DOCK4: variants seen among roughly 807,000 people sequenced by gnomAD.
DOCK4 encodes the protein dedicator of cytokinesis protein 4.
Under a neutral mutation model 268.1 loss-of-function variants are expected in DOCK4, and 97 were observed. That is an observed-to-expected ratio of 0.36 (90% CI 0.31 to 0.43). The LOEUF is 0.43. Ranked by LOEUF, DOCK4 falls within the 20% of genes least tolerant of loss-of-function variation. The pLI, the probability that DOCK4 is intolerant of heterozygous loss-of-function variation, is 1.00. For missense variants in DOCK4, 2,145 were observed against 2,455.7 expected (o/e 0.87, Z 2.67); for synonymous variants, 954 against 887.2 (o/e 1.08, Z -1.34).
chr7:111,823,853 G>A (rs1427827274), intron 26 of DOCK4, among the ~76,000 whole-genome samples: 2 of 152,208 alleles, frequency 1.3e-5, no homozygotes, highest in African/African-American at 2.4e-5. Flanking sequence ...CTGCTTGAAT[G>A]TAAGATTATG....
At chr7:112,144,822 G>A (rs1815293079) in intron 1 of DOCK4, among the ~76,000 whole-genome samples, 3 of 152,018 alleles carry the variant, frequency 2.0e-5, no homozygotes, top group Admixed American at 2.0e-4. Flanking sequence ...ACTCTCCTTG[G>A]GATGCTTGGG....
At chr7:111,864,103 A>G (rs1304651182) in intron 22 of DOCK4, among the ~76,000 whole-genome samples, 1 of 152,182 alleles carries the variant, frequency 6.6e-6, no homozygotes, top group African/African-American at 2.4e-5. Flanking sequence ...AAGTTATTTG[A>G]GCACCCTTTA....
chr7:111,807,381 A>G (rs1299116069), intron 30 of DOCK4: 2 of 152,168 alleles, frequency 1.3e-5, no homozygotes, highest in South Asian at 2.1e-4. Context: ...GTCTCCAAAT[A>G]AGAAAACTAT....
intron 35 of DOCK4, among the ~76,000 whole-genome samples, chr7:111,780,930 A>C (rs143232443): frequency 6.6e-6 from 1 of 152,070 alleles, no homozygotes; most frequent in Non-Finnish European, 1.5e-5. Flanking sequence ...TAGAAGGACT[A>C]TTCTTGGTCA....
chr7:111,984,126 T>C (rs1304921920), intron 7 of DOCK4, among the ~76,000 whole-genome samples, 180 bp downstream of exon 7: 1 of 152,178 alleles, frequency 6.6e-6, no homozygotes, highest in Non-Finnish European at 1.5e-5. Flanking sequence ...ATGTTATTCT[T>C]AGACAGGTAG....
chr7:111,915,113 A>G (rs1041683495), intron 13 of DOCK4, among the ~76,000 whole-genome samples: 15 of 152,158 alleles, frequency 9.9e-5, no homozygotes, highest in African/African-American at 3.6e-4. Flanking sequence ...ATAAGCACAT[A>G]AAGGGGTGTG....
At chr7:111,976,140 CA>C (rs1166982968) in intron 8 of DOCK4, among the ~76,000 whole-genome samples, 1,382 of 28,754 alleles carry the variant, frequency 0.048, 52 homozygotes, top group Non-Finnish European at 0.055. Context: ...GACTCCATCT[CA>C]AAAAAAAAAA....
intron 16 of DOCK4, among the ~76,000 whole-genome samples, chr7:111,883,719 G>C (rs1198268925): frequency 6.6e-6 from 1 of 152,104 alleles, no homozygotes; most frequent in Non-Finnish European, 1.5e-5. Context: ...GCCAGGAAAA[G>C]GTGATGTGGT....
rs191422559 is a variant in DOCK4 at position 112,177,367 on chromosome 7, G to A, written c.37+28735C>T. Among the ~76,000 whole-genome samples the A allele has an allele frequency of 1.7e-3, 260 of 152,342 alleles. 1 individual carries two copies. The highest frequency in any genetic ancestry group is 6.0e-3 in the African/African-American group (250 of 41,582). On this transcript the variant is annotated intron_variant, in intron 1 of 52. Transcript: ENST00000428084. ...CAAGGCTTTTGTGATGAGTGAAGAAGCTAATAATGCATTTAAAAGCACTTA... is the reference window on the plus strand; with the variant it reads ...CAAGGCTTTTGTGATGAGTGAAGAAACTAATAATGCATTTAAAAGCACTTA...
intron 8 of DOCK4, among the ~76,000 whole-genome samples, chr7:111,954,955 A>T (rs1323503723): frequency 6.6e-6 from 1 of 152,170 alleles, no homozygotes; most frequent in African/African-American, 2.4e-5. Flanking sequence ...GTCAGGATGG[A>T]CCTAAAAGCT....
At chr7:111,772,486 T>C (rs1233833276) in intron 36 of DOCK4, among the ~76,000 whole-genome samples, 2 of 152,154 alleles carry the variant, frequency 1.3e-5, no homozygotes, top group Non-Finnish European at 2.9e-5. Flanking sequence ...GTAAATTTTA[T>C]GTTATGCACA....
intron 4 of DOCK4, 127 bp downstream of exon 4, chr7:111,998,321 A>C: frequency 1.4e-6 from 1 of 740,538 alleles, no homozygotes; most frequent in South Asian, 2.5e-5. Context: ...ATCTTTAACA[A>C]AGAACACAGA....
chr7:111,818,965 T>C (rs957801145), intron 27 of DOCK4, among the ~76,000 whole-genome samples: 1 of 152,236 alleles, frequency 6.6e-6, no homozygotes, highest in African/African-American at 2.4e-5. Context: ...TTTGTCTTTA[T>C]AGTACTTATT....
chr7:112,104,394 TC>T (rs1810955843), intron 1 of DOCK4, among the ~76,000 whole-genome samples: 2 of 152,242 alleles, frequency 1.3e-5, no homozygotes, highest in African/African-American at 4.8e-5. Flanking sequence ...AGCAAACTAA[TC>T]ATTAGAGTGC....
chr7:112,186,028 T>C (rs1435503826), intron 1 of DOCK4, among the ~76,000 whole-genome samples: 5 of 152,210 alleles, frequency 3.3e-5, no homozygotes, highest in African/African-American at 1.2e-4. Flanking sequence ...TCTGATGAGT[T>C]CTGCAAGAGT....
intron 25 of DOCK4, among the ~76,000 whole-genome samples, chr7:111,835,058 A>C (rs1803129272): frequency 6.6e-6 from 1 of 152,224 alleles, no homozygotes; most frequent in Admixed American, 6.5e-5. Flanking sequence ...TTTAAGCTTC[A>C]TATCAACACT....
At chr7:111,812,834 G>A (rs1420579304) in intron 27 of DOCK4, among the ~76,000 whole-genome samples, 1 of 152,152 alleles carries the variant, frequency 6.6e-6, no homozygotes, top group South Asian at 2.1e-4. Context: ...GTGTGAAACC[G>A]ACAGTGTTAC....
intron 7 of DOCK4, among the ~76,000 whole-genome samples, chr7:111,983,835 TACACACACACGCGCGCGCGCGCGCGC>T (rs1798795125): frequency 8.8e-6 from 1 of 113,242 alleles, no homozygotes; most frequent in Non-Finnish European, 1.8e-5. Context: ...ATTATGTATG[TACACACACACGCGCGCGCGCGCGCGC>T]GCACACACAC....
intron 1 of DOCK4, among the ~76,000 whole-genome samples, chr7:112,074,954 C>G (rs533205363): frequency 6.6e-6 from 1 of 152,328 alleles, no homozygotes; most frequent in South Asian, 2.1e-4. Context: ...GCAGTTGAAA[C>G]ACATTTGATC....
Sources: gnomAD v4.1 joint callset for allele counts (sites outside exome capture counted in the v4.1 genomes callset) on GRCh38, gnomAD v4.1.1 for gene constraint, MANE v1.5 for transcripts, NCBI Gene and HGNC (gene_info 2026-07-23, HGNC 2026-07-21) for gene names.